SLC25A26: variants seen among roughly 807,000 people sequenced by gnomAD.
SLC25A26 encodes the protein mitochondrial S-adenosylmethionine carrier protein.
A neutral mutation model predicts 37.8 loss-of-function variants in SLC25A26; 36 were observed. The ratio of observed to expected loss-of-function variants is 0.95; its 90% confidence interval spans 0.73 to 1.26. The LOEUF (loss-of-function observed/expected upper bound fraction) is 1.26. Ranked by LOEUF, SLC25A26 falls within the 50% of genes most tolerant of loss-of-function variation. The pLI is 0.00. For synonymous variants in SLC25A26, 129 were observed against 122.5 expected (o/e 1.05, Z -0.35); for missense variants, 390 against 331.1 (o/e 1.18, Z -1.38).
intron 2 of SLC25A26, among the ~76,000 whole-genome samples, chr3:66,238,209 C>A (rs1215034721): frequency 6.6e-6 from 1 of 152,096 alleles, no homozygotes; most frequent in African/African-American, 2.4e-5. Context: ...AACAATTTGG[C>A]AGTTAGGGGT....
intron 3 of SLC25A26, among the ~76,000 whole-genome samples, chr3:66,258,603 C>T (rs59818480): frequency 0.012 from 1,865 of 152,226 alleles, 37 homozygotes; most frequent in African/African-American, 0.042. Context: ...CTAATAGCCA[C>T]ATTAAAAAAG....
At chr3:66,140,361 A>G (rs1288215382) in intron 1 of SLC25A26, among the ~76,000 whole-genome samples, 1 of 152,074 alleles carries the variant, frequency 6.6e-6, no homozygotes. Flanking sequence ...GGGTTGGTGG[A>G]GTTTGTGGAT....
At chr3:66,285,404 G>A (rs1335605994) in intron 5 of SLC25A26, among the ~76,000 whole-genome samples, 3 of 150,840 alleles carry the variant, frequency 2.0e-5, no homozygotes, top group Non-Finnish European at 4.4e-5. Flanking sequence ...CCAATATAAT[G>A]TCATCTTACT....
In SLC25A26 at chr3:66,194,335, C is replaced by T. The variant is rs929844863; in HGVS notation, c.-353-26407C>T. 1.7e-3 allele frequency among the ~76,000 whole-genome samples: 258 copies of T among 152,282 alleles called. 1 individual carries two copies. The highest frequency in any genetic ancestry group is 5.9e-3 in the African/African-American group (246 of 41,572). On this transcript the variant is annotated intron_variant, in intron 1 of 10. Coordinates refer to the SLC25A26 transcript ENST00000676754. ...GGGGTTGAAAGGGTTCAGGGGATGG[C>T]TTGGTTTTGTTTTCCCACCTGGGGA...
At chr3:66,346,692 G>A (rs1006632101) in intron 6 of SLC25A26, among the ~76,000 whole-genome samples, 1 of 148,482 alleles carries the variant, frequency 6.7e-6, no homozygotes, top group Non-Finnish European at 1.5e-5. Flanking sequence ...TTTCTCCACC[G>A]TTAAATTTCA....
chr3:66,210,947 C>T (rs914796571), intron 1 of SLC25A26, among the ~76,000 whole-genome samples: 4,528 of 152,234 alleles, frequency 0.03, 231 homozygotes, highest in African/African-American at 0.1. Flanking sequence ...CATATGTCTA[C>T]TGAGAAATAA....
intron 1 of SLC25A26, among the ~76,000 whole-genome samples, chr3:66,200,944 C>T (rs1576634347): frequency 6.6e-6 from 1 of 152,090 alleles, no homozygotes; most frequent in Admixed American, 6.5e-5. Flanking sequence ...CCAGACACAG[C>T]CCCAGGGTGC....
upstream of SLC25A26, among the ~76,000 whole-genome samples, chr3:66,216,544 C>A (rs2071364014): frequency 2.6e-5 from 4 of 151,770 alleles, no homozygotes; most frequent in Non-Finnish European, 5.9e-5. Context: ...AAAACAACAA[C>A]AACAAACAAA....
At chr3:66,170,961 G>A (rs1397825110) in intron 1 of SLC25A26, among the ~76,000 whole-genome samples, 2 of 150,636 alleles carry the variant, frequency 1.3e-5, no homozygotes, top group Non-Finnish European at 3.0e-5. Flanking sequence ...CCGCCACTAC[G>A]CCCGGCTAAT....
chr3:66,140,260 C>G (rs2070014643), intron 1 of SLC25A26, among the ~76,000 whole-genome samples: 1 of 152,086 alleles, frequency 6.6e-6, no homozygotes, highest in African/African-American at 2.4e-5. Context: ...TGGATATGCG[C>G]CTTTTCTGAA....
At chr3:66,349,300 G>T (rs185753099) in intron 6 of SLC25A26, among the ~76,000 whole-genome samples, 5 of 151,624 alleles carry the variant, frequency 3.3e-5, no homozygotes, top group Non-Finnish European at 7.4e-5. Context: ...GTACATTTTT[G>T]TGAGTTTCAA....
intron 5 of SLC25A26, among the ~76,000 whole-genome samples, chr3:66,284,244 G>T (rs1208431762): frequency 6.6e-6 from 1 of 152,132 alleles, no homozygotes; most frequent in Non-Finnish European, 1.5e-5. Flanking sequence ...ATTTACTTGG[G>T]AGGCTGAGGT....
rs186677200 is a variant in SLC25A26 at position 66,162,267 on chromosome 3, T to C, written c.-354+28283T>C. On this transcript the variant is annotated intron_variant, in intron 1 of 10. Transcript: ENST00000676754. ...ATGACCTCATTTTACCTTACTTACC[T>C]CTTTAAAGGCCCCGTCTCCAAATAG... is the stretch of plus-strand genomic sequence containing the variant. Among the ~76,000 whole-genome samples the C allele has an allele frequency of 4.7e-3, 716 of 151,208 alleles. 7 individuals carry two copies. The highest frequency in any genetic ancestry group is 0.016 in the African/African-American group (668 of 41,166).
intron 1 of SLC25A26, among the ~76,000 whole-genome samples, chr3:66,233,539 T>C (rs1231637449): frequency 1.3e-5 from 2 of 152,264 alleles, no homozygotes; most frequent in East Asian, 3.8e-4. Context: ...TGGAGTTCTT[T>C]ATAATTAGGT....
chr3:66,218,354 G>T (rs2071392735), upstream of SLC25A26, among the ~76,000 whole-genome samples: 1 of 152,280 alleles, frequency 6.6e-6, no homozygotes, highest in South Asian at 2.1e-4. Context: ...ACCTAAGTGT[G>T]GCATTGGATT....
intron 5 of SLC25A26, among the ~76,000 whole-genome samples, chr3:66,312,470 C>A (rs35296535): frequency 0.2 from 30,614 of 151,416 alleles, 4,294 homozygotes; most frequent in East Asian, 0.68. Context: ...CTGGCTTCAG[C>A]CCCCTTTCCA....
At chr3:66,265,661 A>G (rs780341155) in intron 5 of SLC25A26, among the ~76,000 whole-genome samples, 3 of 152,238 alleles carry the variant, frequency 2.0e-5, no homozygotes, top group Non-Finnish European at 4.4e-5. Context: ...TGACATACCA[A>G]CACTGTTACT....
chr3:66,248,079 T>G (rs1411073959), intron 3 of SLC25A26, among the ~76,000 whole-genome samples: 1 of 152,222 alleles, frequency 6.6e-6, no homozygotes, highest in Non-Finnish European at 1.5e-5. Flanking sequence ...CAATAACATA[T>G]TTTGTTTGTG....
At chr3:66,240,908 G>A (rs1198080302) in intron 2 of SLC25A26, among the ~76,000 whole-genome samples, 3 of 151,678 alleles carry the variant, frequency 2.0e-5, no homozygotes, top group Non-Finnish European at 4.4e-5. Context: ...ACCACACCCG[G>A]CTAATTTTTT....
Sources: allele counts gnomAD v4.1 joint callset (sites outside exome capture counted in the v4.1 genomes callset), GRCh38; gene constraint gnomAD v4.1.1; transcripts MANE v1.5; gene names NCBI Gene and HGNC (gene_info 2026-07-23, HGNC 2026-07-21).